The following NSMAF variants were observed in gnomAD, a reference collection of about 807,000 sequenced individuals.
NSMAF encodes neutral sphingomyelinase activation associated factor, also known as protein FAN.
In NSMAF, 90 loss-of-function variants were observed where a neutral mutation model predicts 134.9. The observed-to-expected ratio is 0.67, with a 90% CI of 0.56 to 0.79. The LOEUF is 0.79. Among genes scored for constraint, NSMAF ranks in the 30% least tolerant of loss-of-function variants. The pLI is 0.00. For synonymous variants in NSMAF, 358 were observed against 389.6 expected, an observed-to-expected ratio of 0.92 and a Z score of 0.96; for missense variants, 1,010 against 1,119.0, an observed-to-expected ratio of 0.90 and a Z score of 1.39.
intron 26 of NSMAF, chr8:58,588,836 C>A (rs1805956162): frequency 1.3e-6 from 1 of 771,358 alleles, no homozygotes; most frequent in East Asian, 2.5e-5. Flanking sequence ...TATTTCTGAT[C>A]ATGGCAGATG....
intron 1 of NSMAF, among the ~76,000 whole-genome samples, chr8:58,644,507 A>G (rs971234028): frequency 6.6e-6 from 1 of 152,186 alleles, no homozygotes; most frequent in African/African-American, 2.4e-5. Flanking sequence ...ATGCTTTTAC[A>G]CTGCTGGTGG....
chr8:58,611,060 C>T (rs150306393), intron 9 of NSMAF, among the ~76,000 whole-genome samples: 69 of 152,100 alleles, frequency 4.5e-4, no homozygotes, highest in African/African-American at 1.6e-3. Flanking sequence ...TTATTTAGTT[C>T]GGTCTCAACA....
chr8:58,650,069 C>T (rs929860510), intron 1 of NSMAF, among the ~76,000 whole-genome samples: 4 of 152,176 alleles, frequency 2.6e-5, no homozygotes, highest in Non-Finnish European at 5.9e-5. Context: ...CAGGATTTTA[C>T]GCCAGGAGAC....
intron 1 of NSMAF, among the ~76,000 whole-genome samples, chr8:58,647,130 A>G (rs530901297): frequency 5.3e-5 from 8 of 152,356 alleles, no homozygotes; most frequent in African/African-American, 1.7e-4. Context: ...TGTGATAAGA[A>G]GTGTAACCCA....
At chr8:58,623,593 A>C in intron 7 of NSMAF, 116 bp downstream of exon 7, 1 of 1,076,334 alleles carries the variant, frequency 9.3e-7, no homozygotes, top group Non-Finnish European at 1.4e-6. Flanking sequence ...TTTTAAGTCA[A>C]TCTGCTACAT....
chr8:58,607,714 T>C, intron 11 of NSMAF, 55 bp downstream of exon 11: 1 of 1,367,064 alleles, frequency 7.3e-7, no homozygotes, highest in South Asian at 1.2e-5. Context: ...AATAAACTGC[T>C]GGCTAAACTG....
At chr8:58,597,936 G>C in intron 19 of NSMAF, 34 bp from the exon 20 acceptor site, 1 of 1,490,558 alleles carries the variant, frequency 6.7e-7, no homozygotes, top group Non-Finnish European at 9.3e-7. Flanking sequence ...ATTGAAAGAT[G>C]TGCTATTTCA....
intron 24 of NSMAF, among the ~76,000 whole-genome samples, chr8:58,590,289 C>T (rs1035707589): frequency 4.6e-5 from 7 of 152,098 alleles, no homozygotes; most frequent in Non-Finnish European, 1.0e-4. Flanking sequence ...AGGGTATTTA[C>T]GACCTAGCCT....
At chr8:58,610,332 G>GA (rs1334036755) in intron 9 of NSMAF, among the ~76,000 whole-genome samples, 5 of 151,990 alleles carry the variant, frequency 3.3e-5, no homozygotes, top group Admixed American at 1.3e-4. Context: ...ACTGATTTAA[G>GA]AAAAAATAAG....
intron 29 of NSMAF, 47 bp downstream of exon 29, chr8:58,585,851 G>C: frequency 6.3e-7 from 1 of 1,580,348 alleles, no homozygotes. Context: ...AAGTGATCAT[G>C]AACATGTCTG....
chr8:58,585,586 G>A (rs1161364968), intron 30 of NSMAF, 66 bp downstream of exon 30: 1 of 1,188,548 alleles, frequency 8.4e-7, no homozygotes. Flanking sequence ...GTTCCCTGAT[G>A]GAAAAGGCAG....
chr8:58,654,609 T>C (rs6994461), intron 1 of NSMAF, among the ~76,000 whole-genome samples: 16,985 of 152,238 alleles, frequency 0.11, 1,005 homozygotes, highest in African/African-American at 0.15. Context: ...TATACACTCA[T>C]GGAATGTCTG....
chr8:58,657,638 T>C (rs1285863681), intron 1 of NSMAF, among the ~76,000 whole-genome samples: 1 of 152,238 alleles, frequency 6.6e-6, no homozygotes. Context: ...CAGATTCCTG[T>C]CATTCAAATG....
chr8:58,655,826 G>A (rs913614253), intron 1 of NSMAF, among the ~76,000 whole-genome samples: 6 of 151,658 alleles, frequency 4.0e-5, no homozygotes, highest in African/African-American at 1.5e-4. Flanking sequence ...AGAATGGCGT[G>A]AACCCGGGAG....
intron 6 of NSMAF, 121 bp from the exon 7 acceptor site, chr8:58,623,901 CTT>C (rs1367889056): frequency 4.2e-6 from 3 of 709,906 alleles, no homozygotes; most frequent in Non-Finnish European, 7.3e-6. Context: ...CCTAGTGTAA[CTT>C]CCCCACTGGA....
At chr8:58,598,625 G>C (rs574944501) in intron 19 of NSMAF, among the ~76,000 whole-genome samples, 1 of 152,210 alleles carries the variant, frequency 6.6e-6, no homozygotes, top group East Asian at 1.9e-4. Flanking sequence ...GTGGGATGTA[G>C]AGTATATGCT....
At chr8:58,636,793 G>A (rs1807183289) in intron 2 of NSMAF, among the ~76,000 whole-genome samples, 1 of 152,148 alleles carries the variant, frequency 6.6e-6, no homozygotes. Context: ...GCCCTGCTGT[G>A]AATCCATTCT....
intron 5 of NSMAF, among the ~76,000 whole-genome samples, chr8:58,633,718 C>T (rs1321998707): frequency 6.6e-6 from 1 of 152,128 alleles, no homozygotes. Context: ...AAATTGGAAG[C>T]AAAGCTCTCT....
In NSMAF at chr8:58,602,144, A is replaced by G. The variant is rs1258594412; in HGVS notation, c.1046-7T>C. The G allele has an allele frequency of 2.5e-6, 4 of 1,605,164 alleles. No homozygotes were observed. Among genetic ancestry groups the G allele is most frequent in the Non-Finnish European group, 3.4e-6 (4 of 1,172,326 alleles). On this transcript the variant is annotated splice_region_variant and splice_polypyrimidine_tract_variant and intron_variant, in intron 13 of 30. Transcript: ENST00000038176. ...GTTCCTGGATTTGACAAATCTATAA[A>G]CATAAATCAATAAATAACTTCAGCT...
Sources: allele counts gnomAD v4.1 joint callset (sites outside exome capture counted in the v4.1 genomes callset), GRCh38; gene constraint gnomAD v4.1.1; transcripts MANE v1.5; gene names NCBI Gene and HGNC (gene_info 2026-07-23, HGNC 2026-07-21).